Variants in ZNF560 observed in about 807,000 individuals in gnomAD.
The protein encoded by ZNF560 is zinc finger protein 560.
A neutral mutation model predicts 81.8 loss-of-function variants in ZNF560; 54 were observed. The ratio of observed to expected loss-of-function variants is 0.66; its 90% CI spans 0.53 to 0.83. ZNF560 has a LOEUF of 0.83. Among genes scored for constraint, ZNF560 ranks in the 40% least tolerant of loss-of-function variants. The pLI is 0.00. For missense variants in ZNF560, 940 were observed against 932.4 expected (o/e 1.01, Z -0.11); for synonymous variants, 321 against 317.9 (o/e 1.01, Z -0.10).
At chr19:9,501,664 T>C (rs1469813029), upstream of ZNF560, among the ~76,000 whole-genome samples, 1 of 150,426 alleles carries the variant, frequency 6.6e-6, no homozygotes, top group Admixed American at 6.6e-5. Context: ...CCTGGCTAAT[T>C]TTTGTATTTT....
At chr19:9,465,926 G>A (rs966441286), downstream of ZNF560, among the ~76,000 whole-genome samples, 5 of 151,662 alleles carry the variant, frequency 3.3e-5, no homozygotes, top group South Asian at 2.1e-4. Flanking sequence ...CCCAGGAGGC[G>A]GAGGTTGCAG....
the ZNF560 span, among the ~76,000 whole-genome samples, chr19:9,448,954 A>G: frequency 6.6e-6 from 1 of 152,222 alleles, no homozygotes; most frequent in East Asian, 1.9e-4. Flanking sequence ...TATAATGATA[A>G]AGGGTTCAAT....
At chr19:9,459,218 G>A in the ZNF560 span, among the ~76,000 whole-genome samples, 1 of 152,132 alleles carries the variant, frequency 6.6e-6, no homozygotes, top group Non-Finnish European at 1.5e-5. Context: ...GTGACTATAG[G>A]ACTCCACACA....
chr19:9,497,360 C>A (rs1040979758), intron 2 of ZNF560, among the ~76,000 whole-genome samples: 2 of 151,680 alleles, frequency 1.3e-5, no homozygotes, highest in African/African-American at 4.8e-5. Flanking sequence ...CACGGTGAAA[C>A]CCCATCTCTA....
chr19:9,456,573 A>G, the ZNF560 span, among the ~76,000 whole-genome samples: 2 of 152,186 alleles, frequency 1.3e-5, no homozygotes, highest in African/African-American at 4.8e-5. Flanking sequence ...CTATTCAGCG[A>G]AAGAAATTTA....
intron 2 of ZNF560, among the ~76,000 whole-genome samples, chr19:9,490,193 G>T (rs770114976): frequency 2.0e-5 from 3 of 152,154 alleles, no homozygotes; most frequent in Admixed American, 6.5e-5. Context: ...CTTCACAAAG[G>T]CATTCAGAAA....
At chr19:9,485,262 G>A (rs930593553) in intron 2 of ZNF560, among the ~76,000 whole-genome samples, 5 of 152,052 alleles carry the variant, frequency 3.3e-5, no homozygotes, top group African/African-American at 9.7e-5. Flanking sequence ...GTATACAGAT[G>A]CAAAAATCCT....
the ZNF560 span, among the ~76,000 whole-genome samples, chr19:9,457,222 C>A: frequency 6.6e-6 from 1 of 152,182 alleles, no homozygotes; most frequent in Non-Finnish European, 1.5e-5. Flanking sequence ...GACTTAAGGG[C>A]TATTAATTCA....
chr19:9,482,397 C>T (rs2073304267), intron 2 of ZNF560, among the ~76,000 whole-genome samples: 1 of 140,068 alleles, frequency 7.1e-6, no homozygotes, highest in Non-Finnish European at 1.5e-5. Context: ...ACATTGTACG[C>T]ATGTACCTTA....
chr19:9,472,984 A>G (rs527850922), intron 5 of ZNF560, among the ~76,000 whole-genome samples, 195 bp downstream of exon 5: 7 of 152,230 alleles, frequency 4.6e-5, no homozygotes, highest in African/African-American at 1.7e-4. Flanking sequence ...AAGGTTTCTG[A>G]GGCTCTCACC....
At chr19:9,502,709 G>A (rs951897783), upstream of ZNF560, among the ~76,000 whole-genome samples, 18 of 152,126 alleles carry the variant, frequency 1.2e-4, no homozygotes, top group African/African-American at 3.4e-4. Context: ...CTAGAAATGT[G>A]TCCACTTCAT....
At chr19:9,481,081 TGAAA>T (rs796371066) in intron 2 of ZNF560, among the ~76,000 whole-genome samples, 17 of 90,318 alleles carry the variant, frequency 1.9e-4, no homozygotes, top group African/African-American at 7.1e-4. Context: ...AGAGATTATC[TGAAA>T]AAAAAAAAAA....
chr19:9,467,925 G>A lies in ZNF560; in HGVS notation c.1022C>T (p.Thr341Ile), dbSNP rs761263512. 14 of 1,614,022 alleles carry A rather than the reference G, an allele frequency of 8.7e-6. No individual in the cohort carries two copies. The highest frequency in any genetic ancestry group is 1.1e-5 in the Non-Finnish European group (13 of 1,180,024). ...TTCATAGGGGTTTTTAATAATGTGT[G>A]TTTCAACATTTACAGCATGGCTTGT... ...HSTSHAVNVETHIIKNPYECK... is the reference protein window; with the variant it reads ...HSTSHAVNVEIHIIKNPYECK... The change falls in exon 10 of 10, where the codon ACA becomes ATA. Residue 341 changes from threonine to isoleucine, a missense_variant. Transcript: ENST00000301480.
chr19:9,449,085 G>C, the ZNF560 span, among the ~76,000 whole-genome samples: 1 of 152,186 alleles, frequency 6.6e-6, no homozygotes, highest in Non-Finnish European at 1.5e-5. Flanking sequence ...CACTGGCAGT[G>C]TTAGATCACT....
chr19:9,474,736 G>A (rs865846527), intron 3 of ZNF560, among the ~76,000 whole-genome samples: 3 of 151,648 alleles, frequency 2.0e-5, no homozygotes, highest in Admixed American at 2.0e-4. Flanking sequence ...ATGGCTCACT[G>A]CAGCCTTGAC....
At chr19:9,469,819 A>T in intron 7 of ZNF560, 109 bp from the exon 8 acceptor site, 1 of 820,720 alleles carries the variant, frequency 1.2e-6, no homozygotes, top group South Asian at 1.4e-5. Context: ...AAGCACTTAA[A>T]TTGCATATAT....
rs758499289 is a variant in ZNF560 at position 9,468,048 on chromosome 19, G to T, written c.899C>A (p.Ala300Asp). ...TTCAAGGTATGACTGATAAATGAAG[G>T]CTTTCCCATAGTCAGTGCCTTCAAA... ...KSFEGTDYGKAFIYQSYLEAH... is the reference protein window; with the variant it reads ...KSFEGTDYGKDFIYQSYLEAH... Residue 300 changes from alanine (A) to aspartate (D), a missense_variant, in exon 10 of 10, where the codon GCC becomes GAC. Physicochemically the swap from Ala to Asp is moderately radical, Grantham distance 126. Transcript: ENST00000301480. 6 of 1,614,036 alleles carry T rather than the reference G, an allele frequency of 3.7e-6. No homozygotes were observed. The East Asian group carries it at 1.3e-4, about 36-fold the overall frequency.
chr19:9,503,863 A>G, the ZNF560 span, among the ~76,000 whole-genome samples: 1 of 152,210 alleles, frequency 6.6e-6, no homozygotes, highest in African/African-American at 2.4e-5. Flanking sequence ...ACAAATTTTC[A>G]TTGTACATAT....
chr19:9,454,442 C>T, the ZNF560 span, among the ~76,000 whole-genome samples: 10 of 152,154 alleles, frequency 6.6e-5, no homozygotes, highest in South Asian at 2.1e-4. Context: ...GTCGCCAGAG[C>T]GATGGTTGGA....
Sources: gnomAD v4.1 joint callset for allele counts (sites outside exome capture counted in the v4.1 genomes callset) on GRCh38, gnomAD v4.1.1 for gene constraint, MANE v1.5 for transcripts, NCBI Gene and HGNC (gene_info 2026-07-23, HGNC 2026-07-21) for gene names.